ZNF12: variants seen among roughly 807,000 people sequenced by gnomAD.
ZNF12 encodes zinc finger protein 12, also known as gonadotropin inducible transcription repressor 3.
ZNF12 carries 34 observed loss-of-function variants against 66.6 expected under a neutral mutation model. The ratio of observed to expected loss-of-function variants is 0.51; its 90% confidence interval spans 0.39 to 0.68. The LOEUF is 0.68. Among genes scored for constraint, ZNF12 ranks in the 30% least tolerant of loss-of-function variants. The probability of loss-of-function intolerance (pLI) is 0.00; values close to 1 mark genes in which losing one functional copy is unlikely to be tolerated. For missense variants in ZNF12, 697 were observed against 826.9 expected, an observed-to-expected ratio of 0.84 and a Z score of 1.93; for synonymous variants, 320 against 278.9, an observed-to-expected ratio of 1.15 and a Z score of -1.47.
chr7:6,700,068 A>G (rs1020407989), intron 2 of ZNF12, among the ~76,000 whole-genome samples: 7 of 151,604 alleles, frequency 4.6e-5, no homozygotes, highest in African/African-American at 1.7e-4. Context: ...GGCAGATCAC[A>G]AGGTCAGGAA....
At position 6,692,111 on chromosome 7, in the gene ZNF12, G is replaced by C. The variant is rs1292519944; in HGVS notation, c.831C>G (p.Ser277=). The part of the protein sequence containing the change: ...KPYECSECGK[S]FCKKSKFIIH... ...TAATAAATTTTGACTTTTTACAGAA[G>C]GATTTCCCACATTCACTGCATTCAT... The change falls in exon 5 of 5, where the codon TCC becomes TCG. Residue 277 remains serine (S), a synonymous_variant. Coordinates refer to ENST00000405858, the MANE Select transcript of ZNF12 (RefSeq NM_016265.4). The surrounding 1 kb of genome is among the most constrained non-coding windows in gnomAD (Gnocchi z 5.1). 1.2e-6 allele frequency: 2 copies of C among 1,614,038 alleles called. No individual in the cohort carries two copies. The highest frequency in any genetic ancestry group is 1.7e-6 in the Non-Finnish European group (2 of 1,179,934).
intron 2 of ZNF12, among the ~76,000 whole-genome samples, chr7:6,701,662 G>C (rs1360831696): frequency 6.6e-6 from 1 of 152,064 alleles, no homozygotes; most frequent in East Asian, 1.9e-4. Context: ...ACTCTTGGCT[G>C]ACGAGCTATT....
chr7:6,706,003 A>T (rs1780349657), intron 1 of ZNF12, among the ~76,000 whole-genome samples: 1 of 152,130 alleles, frequency 6.6e-6, no homozygotes, highest in African/African-American at 2.4e-5. Context: ...CCACCCACAA[A>T]ACCTCGGACA....
chr7:6,705,068 C>T lies in ZNF12; in HGVS notation c.15+91G>A. Reference sequence around the variant, plus strand: ...TGACCAAATCTTGTATCTATTTCTACTTTCCCATTTTAAACTTTGAACCCT... The same window carrying T: ...TGACCAAATCTTGTATCTATTTCTATTTTCCCATTTTAAACTTTGAACCCT... On this transcript the variant is annotated intron_variant, in intron 2 of 4. Transcript: ENST00000405858. The surrounding 1 kb of genome is among the most constrained non-coding windows in gnomAD (Gnocchi z 4.0). The T allele has an allele frequency of 6.9e-7, 1 of 1,457,750 alleles. No individual in the cohort carries two copies. The highest frequency in any genetic ancestry group is 9.3e-7 in the Non-Finnish European group (1 of 1,077,430). The allele number at this position is 1,457,750 out of a possible 1,614,324, so 90.3% of individuals were successfully genotyped here.
rs1031185208 is a variant in ZNF12 at position 6,690,492 on chromosome 7, CTT to C, written c.*354_*355del. The stretch of plus-strand genomic sequence containing the variant: ...GTTTGCTATTGTATCAGAAACATAT[CTT>C]TTAGTATTAACAGTTTCCAAAGGAT... On this transcript the variant is annotated 3_prime_UTR_variant, in exon 5 of 5. Transcript: ENST00000405858. The C allele has an allele frequency of 6.2e-6, 1 of 162,366 alleles. No individual in the cohort carries two copies. The highest frequency in any genetic ancestry group is 2.4e-5 in the African/African-American group (1 of 41,350). The allele number at this position is 162,366 out of a possible 1,614,324, so 10.1% of individuals were successfully genotyped here.
In ZNF12 at chr7:6,690,908, G is replaced by A. The variant is rs949703379; in HGVS notation, c.2034C>T (p.Ser678=). The change falls in exon 5 of 5, where the codon AGC becomes AGT. Residue 678 remains serine (S), a synonymous_variant. Coordinates refer to ENST00000405858, the MANE Select transcript of ZNF12 (RefSeq NM_016265.4). The part of the protein sequence containing the change: ...KKFYHKSAFN[S]HQRIHRRGNM... ...TGCCTCTCCTATGAATTCTCTGATG[G>A]CTGTTGAATGCTGATTTGTGGTAGA... The A allele has an allele frequency of 2.5e-6, 4 of 1,613,822 alleles. No individual in the cohort carries two copies. Among genetic ancestry groups the A allele is most frequent in the Admixed American group, 1.7e-5 (1 of 59,992 alleles).
In ZNF12 at chr7:6,696,799, G is replaced by C. The variant is rs976692846; in HGVS notation, c.238+540C>G. Among the ~76,000 whole-genome samples the C allele has an allele frequency of 6.6e-6, 1 of 152,072 alleles. No homozygotes were observed. Among genetic ancestry groups the C allele is most frequent in the Non-Finnish European group, 1.5e-5 (1 of 67,988 alleles). On this transcript the variant is annotated intron_variant, in intron 4 of 4. Coordinates refer to ENST00000405858, the MANE Select transcript of ZNF12 (RefSeq NM_016265.4). This position sits in a 1 kb window ranked among gnomAD's most constrained non-coding sequence, Gnocchi z 4.0. ...GCAGTCACCAAATTTCAGGAGGGCT[G>C]GGTCTCAGGAATGAGCAGCACTGTC... is the stretch of plus-strand genomic sequence containing the variant.
In ZNF12 at chr7:6,690,681, T is replaced by TATGA; in HGVS notation, c.*166_*167insTCAT. 1 of 668,704 alleles carries TATGA rather than the reference T, an allele frequency of 1.5e-6. No individual in the cohort carries two copies. Among genetic ancestry groups the TATGA allele is most frequent in the Non-Finnish European group, 2.4e-6 (1 of 408,844 alleles). The allele number at this position is 668,704 out of a possible 1,614,324, so 41.4% of individuals were successfully genotyped here. On this transcript the variant is annotated 3_prime_UTR_variant, in exon 5 of 5. Coordinates refer to ENST00000405858, the MANE Select transcript of ZNF12 (RefSeq NM_016265.4). The stretch of plus-strand genomic sequence containing the variant: ...ATTGTTATACCATGTGGTCTTGTTA[T>TATGA]AATCATGGTTTCCATTCTGTGAGTC...
At chr7:6,704,268 T>C (rs149216815) in intron 2 of ZNF12, 1 of 147,846 alleles carries the variant, frequency 6.8e-6, no homozygotes, top group African/African-American at 2.5e-5. Flanking sequence ...GAATCAGGGA[T>C]AGCGCCACTG....
Position 6,692,358 on chromosome 7 carries a change from T to A in ZNF12, c.584A>T (p.Asn195Ile). 6.2e-7 allele frequency: 1 copy of A among 1,609,488 alleles called. No individual in the cohort carries two copies. Among genetic ancestry groups the A allele is most frequent in the Non-Finnish European group, 8.5e-7 (1 of 1,177,880 alleles). The change falls in exon 5 of 5, where the codon AAT becomes ATT. Residue 195 changes from asparagine to isoleucine, a missense_variant. Physicochemically the swap from Asn to Ile is moderately radical, Grantham distance 149 (BLOSUM62 -3). Around this residue, in one of 3 missense-constraint regions of ZNF12, gnomAD observed 241 missense variants for 224.0 expected, o/e 1.08. Transcript: ENST00000405858. The surrounding 1 kb of genome is among the most constrained non-coding windows in gnomAD (Gnocchi z 5.1). Reference sequence around the variant, plus strand: ...TTCATTTAGAGTATAAGGTTCCCCATTTTGATTAAATTCATAAGCTTGATC... The same window carrying A: ...TTCATTTAGAGTATAAGGTTCCCCAATTTGATTAAATTCATAAGCTTGATC... ...PGDQAYEFNQ[N>I]GEPYTLNEES...
At position 6,692,779 on chromosome 7, in the gene ZNF12, G is replaced by A; in HGVS notation, c.239-76C>T. The A allele has an allele frequency of 7.3e-7, 1 of 1,377,090 alleles. No homozygotes were observed. Among genetic ancestry groups the A allele is most frequent in the South Asian group, 1.5e-5 (1 of 66,560 alleles). The allele number at this position is 1,377,090 out of a possible 1,614,324, so 85.3% of individuals were successfully genotyped here. On this transcript the variant is annotated intron_variant, in intron 4 of 4. Coordinates refer to ENST00000405858, the MANE Select transcript of ZNF12 (RefSeq NM_016265.4). The surrounding 1 kb of genome is among the most constrained non-coding windows in gnomAD (Gnocchi z 5.1). ...TGATATGGAATGAGATTCATGATTT[G>A]TACACACGCATCTCATTGTGAGTAG...
Position 6,691,983 on chromosome 7 carries a change from G to A in ZNF12, c.959C>T (p.Thr320Ile). ...ATTACATTCATAGGGCTTCTCCCCT[G>A]TGTGTGTTCTCTGATGCACAGTAAG... The part of the protein sequence containing the change: ...GTLTVHQRTH[T>I]GEKPYECNEC... Residue 320 changes from threonine to isoleucine, a missense_variant, in exon 5 of 5, where the codon ACA becomes ATA. Transcript: ENST00000405858. The A allele has an allele frequency of 6.2e-7, 1 of 1,614,024 alleles. No individual in the cohort carries two copies. Among genetic ancestry groups the A allele is most frequent in the South Asian group, 1.1e-5 (1 of 91,062 alleles).
chr7:6,697,940 G>A lies in ZNF12; in HGVS notation c.16-129C>T, dbSNP rs1238721194. The A allele has an allele frequency of 2.7e-6, 3 of 1,110,546 alleles. No homozygotes were observed. The highest frequency in any genetic ancestry group is 1.5e-5 in the African/African-American group (1 of 65,094). 68.8% of individuals were successfully genotyped at this position (1,110,546 alleles called of 1,614,324 possible). The stretch of plus-strand genomic sequence containing the variant: ...TTATTTTATGTTACAGACTGTCAAA[G>A]GGAAACAAACATATCAGAAATACAC... On this transcript the variant is annotated intron_variant, in intron 2 of 4. Transcript: ENST00000405858. The surrounding 1 kb of genome is among the most constrained non-coding windows in gnomAD (Gnocchi z 6.1).
rs1305679468 is a variant in ZNF12 at position 6,697,239 on chromosome 7, C to G, written c.238+100G>C. On this transcript the variant is annotated intron_variant, in intron 4 of 4. Transcript: ENST00000405858. This position sits in a 1 kb window ranked among gnomAD's most constrained non-coding sequence, Gnocchi z 6.1. ...GATTCAGGTTCATAGAGCATATAAGCAACTATTTCTAGTCACTTCTAAAGG... is the reference window on the plus strand; with the variant it reads ...GATTCAGGTTCATAGAGCATATAAGGAACTATTTCTAGTCACTTCTAAAGG... 2 of 834,980 alleles carry G rather than the reference C, an allele frequency of 2.4e-6. No homozygotes were observed. Among genetic ancestry groups the G allele is most frequent in the Non-Finnish European group, 3.7e-6 (2 of 536,260 alleles). 51.7% of individuals were successfully genotyped at this position (834,980 alleles called of 1,614,324 possible).
In ZNF12 at chr7:6,697,310, C is replaced by T. The variant is rs1052998628; in HGVS notation, c.238+29G>A. ...CCTGGGAAAAACACTCCCAAGTTAC[C>T]GATCTCCTCACTGCCTCCACTAACA... On this transcript the variant is annotated intron_variant, in intron 4 of 4. Coordinates refer to ENST00000405858, the MANE Select transcript of ZNF12 (RefSeq NM_016265.4). This position sits in a 1 kb window ranked among gnomAD's most constrained non-coding sequence, Gnocchi z 6.1. 20 of 1,548,266 alleles carry T rather than the reference C, an allele frequency of 1.3e-5. No individual in the cohort carries two copies. The African/African-American group carries it at 1.4e-4, about 11-fold the overall frequency.
In ZNF12 at chr7:6,692,332, C is replaced by A; in HGVS notation, c.610G>T (p.Glu204Ter). Residue 204 changes from glutamate (E) to a stop codon, truncating the protein, a stop_gained, in exon 5 of 5, where the codon GAA becomes TAA. Transcript: ENST00000405858. LOFTEE classifies it high-confidence loss of function. The surrounding 1 kb of genome is among the most constrained non-coding windows in gnomAD (Gnocchi z 5.1). ...ATACGAATTTTCTGATAAAGACTTT[C>A]TTCATTTAGAGTATAAGGTTCCCCA... ...QNGEPYTLNE[E>*]SLYQKIRILE... 1.2e-6 allele frequency: 2 copies of A among 1,609,596 alleles called. No homozygotes were observed. Among genetic ancestry groups the A allele is most frequent in the Non-Finnish European group, 1.7e-6 (2 of 1,178,268 alleles).
chr7:6,694,932 C>CA (rs1562599467), intron 4 of ZNF12, among the ~76,000 whole-genome samples: 2 of 151,462 alleles, frequency 1.3e-5, no homozygotes, highest in Non-Finnish European at 2.9e-5. Context: ...GCGCTGTTCT[C>CA]TTTTTTTTTG....
In ZNF12 at chr7:6,690,761, C is replaced by T; in HGVS notation, c.*87G>A. 7.5e-7 allele frequency: 1 copy of T among 1,336,088 alleles called. No homozygotes were observed. The highest frequency in any genetic ancestry group is 1.0e-6 in the Non-Finnish European group (1 of 995,256). 82.8% of individuals were successfully genotyped at this position (1,336,088 alleles called of 1,614,324 possible). ...ATGTCCACACTAACCTGTGTGAACT[C>T]TCTGATGTACAAGGTGTTTGACTTC... On this transcript the variant is annotated 3_prime_UTR_variant, in exon 5 of 5. Transcript: ENST00000405858.
Position 6,705,369 on chromosome 7 carries a change from A to T in ZNF12, c.-50-146T>A. 1.7e-6 allele frequency: 1 copy of T among 598,710 alleles called. No homozygotes were observed. Among genetic ancestry groups the T allele is most frequent in the Non-Finnish European group, 2.9e-6 (1 of 340,868 alleles). 37.1% of individuals were successfully genotyped at this position (598,710 alleles called of 1,614,324 possible). ...TTAAGCCTTCAGAAGGGATTGGAAA[A>T]TGATCAGGAGGGGGACCGATCTGCA... On this transcript the variant is annotated intron_variant, in intron 1 of 4. Transcript: ENST00000405858. The surrounding 1 kb of genome is among the most constrained non-coding windows in gnomAD (Gnocchi z 4.0).
Sources: allele counts gnomAD v4.1 joint callset (sites outside exome capture counted in the v4.1 genomes callset), GRCh38; gene constraint gnomAD v4.1.1; regional missense constraint gnomAD v4.1.1; non-coding constraint Gnocchi (gnomAD v3.1); transcripts MANE v1.5; gene names NCBI Gene and HGNC (gene_info 2026-07-23, HGNC 2026-07-21).